The following SH3BGRL2 variants were observed in gnomAD, a reference collection of about 807,000 sequenced individuals.
SH3BGRL2 encodes the protein SH3 domain-binding glutamic acid-rich-like protein 2.
In SH3BGRL2, 21 loss-of-function variants were observed where a neutral mutation model predicts 14.8. That is an observed-to-expected ratio of 1.42 (90% confidence interval 1.01 to 2.05). SH3BGRL2 has a LOEUF of 2.05. Ranked by LOEUF, SH3BGRL2 falls within the 30% of genes most tolerant of loss-of-function variation. The pLI is 0.00. For synonymous variants in SH3BGRL2, 50 were observed against 47.8 expected (o/e 1.05, Z -0.19); for missense variants, 147 against 130.8 (o/e 1.12, Z -0.61).
At chr6:79,573,810 T>C in the SH3BGRL2 span, 1 of 152,236 alleles carries the variant, frequency 6.6e-6, no homozygotes, top group Admixed American at 6.5e-5. Context: ...TTAAACTTGC[T>C]GAATGTATTA....
the SH3BGRL2 span, among the ~76,000 whole-genome samples, chr6:79,582,237 TC>T: frequency 6.6e-6 from 1 of 152,080 alleles, no homozygotes; most frequent in Non-Finnish European, 1.5e-5. Flanking sequence ...TTCAATGCCA[TC>T]CCCATCAAGC....
the SH3BGRL2 span, among the ~76,000 whole-genome samples, chr6:79,620,817 G>C: frequency 6.6e-6 from 1 of 152,204 alleles, no homozygotes; most frequent in African/African-American, 2.4e-5. Flanking sequence ...TATCTGCTGA[G>C]AGTTGGAAGC....
the SH3BGRL2 span, among the ~76,000 whole-genome samples, chr6:79,614,197 C>T: frequency 6.6e-6 from 1 of 152,004 alleles, no homozygotes; most frequent in Non-Finnish European, 1.5e-5. Flanking sequence ...TGTTTTTTTC[C>T]AAAACGTTTT....
At chr6:79,621,510 T>C in the SH3BGRL2 span, among the ~76,000 whole-genome samples, 28 of 152,216 alleles carry the variant, frequency 1.8e-4, no homozygotes, top group Non-Finnish European at 3.1e-4. Context: ...CTTTCAGTAC[T>C]GTTAGAAATA....
the SH3BGRL2 span, among the ~76,000 whole-genome samples, chr6:79,555,765 C>A: frequency 2.9e-4 from 44 of 152,068 alleles, no homozygotes; most frequent in Admixed American, 2.0e-3. Context: ...GCCTTGGCGT[C>A]CCAAAGTGCT....
chr6:79,567,551 C>T, the SH3BGRL2 span, among the ~76,000 whole-genome samples: 4 of 152,108 alleles, frequency 2.6e-5, no homozygotes, highest in African/African-American at 9.7e-5. Flanking sequence ...GTAGAAGAAA[C>T]GGACAATTTA....
At chr6:79,597,462 T>C in the SH3BGRL2 span, among the ~76,000 whole-genome samples, 2 of 151,894 alleles carry the variant, frequency 1.3e-5, no homozygotes, top group Non-Finnish European at 2.9e-5. Context: ...CAGAAATAAG[T>C]CCTCACATTT....
the SH3BGRL2 span, among the ~76,000 whole-genome samples, chr6:79,546,596 C>T: frequency 0.023 from 3,520 of 152,026 alleles, 134 homozygotes; most frequent in African/African-American, 0.08. Context: ...GTGGATGGGG[C>T]TAAGAGTAGG....
At chr6:79,608,067 C>T in the SH3BGRL2 span, among the ~76,000 whole-genome samples, 1 of 152,112 alleles carries the variant, frequency 6.6e-6, no homozygotes, top group Non-Finnish European at 1.5e-5. Flanking sequence ...GAAGCAGGCA[C>T]GTCTTACATG....
the SH3BGRL2 span, among the ~76,000 whole-genome samples, chr6:79,568,933 G>A: frequency 1.3e-5 from 2 of 152,216 alleles, no homozygotes; most frequent in South Asian, 4.2e-4. Flanking sequence ...AATGGAAAGA[G>A]TCAAACTGTA....
chr6:79,559,292 C>T, the SH3BGRL2 span, among the ~76,000 whole-genome samples: 5 of 152,132 alleles, frequency 3.3e-5, no homozygotes, highest in Middle Eastern at 3.4e-3. Flanking sequence ...GGTGAGACCC[C>T]ATCCGTCTCT....
At chr6:79,636,892 CT>C (rs2127722711) in intron 1 of SH3BGRL2, among the ~76,000 whole-genome samples, 1 of 152,254 alleles carries the variant, frequency 6.6e-6, no homozygotes, top group African/African-American at 2.4e-5. Context: ...GTCATCTTAC[CT>C]TGATTATCTG....
the SH3BGRL2 span, among the ~76,000 whole-genome samples, chr6:79,596,499 T>C: frequency 1.3e-5 from 2 of 152,214 alleles, no homozygotes; most frequent in East Asian, 3.8e-4. Flanking sequence ...CTCACTATAT[T>C]GCCCAGGCTG....
At chr6:79,679,062 A>C (rs1445610614) in intron 2 of SH3BGRL2, among the ~76,000 whole-genome samples, 1 of 152,188 alleles carries the variant, frequency 6.6e-6, no homozygotes, top group East Asian at 1.9e-4. Flanking sequence ...GCTATTGTGC[A>C]TAGTGCAGTA....
At chr6:79,568,131 G>A in the SH3BGRL2 span, among the ~76,000 whole-genome samples, 1 of 152,094 alleles carries the variant, frequency 6.6e-6, no homozygotes, top group African/African-American at 2.4e-5. Flanking sequence ...GGGTTAAATG[G>A]TCCAACCCCC....
intron 1 of SH3BGRL2, among the ~76,000 whole-genome samples, chr6:79,638,706 G>T (rs1768973388): frequency 6.6e-6 from 1 of 152,026 alleles, no homozygotes; most frequent in African/African-American, 2.4e-5. Flanking sequence ...CTGATGTTAA[G>T]AATTTTTTTT....
In SH3BGRL2 at chr6:79,674,411, A is replaced by T. The variant is rs569168481; in HGVS notation, c.231+612A>T. ...ACGAGAAGATGAAAAAGTCACTTTC[A>T]TCTATTTACCTACTTGCGTACTCCT... On this transcript the variant is annotated intron_variant, in intron 2 of 3. Transcript: ENST00000369838. 1.9e-4 allele frequency among the ~76,000 whole-genome samples: 29 copies of T among 152,312 alleles called. 1 individual carries two copies. The highest frequency in any genetic ancestry group is 4.1e-4 in the South Asian group (2 of 4,826).
intron 1 of SH3BGRL2, among the ~76,000 whole-genome samples, chr6:79,662,359 A>G (rs1464175019): frequency 1.3e-5 from 2 of 152,172 alleles, no homozygotes; most frequent in Non-Finnish European, 2.9e-5. Context: ...AAAATCTCTC[A>G]GCATTTGCTT....
At chr6:79,674,898 TG>T (rs1479262389) in intron 2 of SH3BGRL2, among the ~76,000 whole-genome samples, 1 of 152,212 alleles carries the variant, frequency 6.6e-6, no homozygotes, top group East Asian at 1.9e-4. Flanking sequence ...GGATAATGTC[TG>T]TCTTTGTGAT....
Sources: gnomAD v4.1 joint callset for allele counts (sites outside exome capture counted in the v4.1 genomes callset) on GRCh38, gnomAD v4.1.1 for gene constraint, MANE v1.5 for transcripts, NCBI Gene and HGNC (gene_info 2026-07-23, HGNC 2026-07-21) for gene names.